EBF2: variants seen among roughly 807,000 people sequenced by gnomAD.
EBF2 encodes the protein transcription factor COE2.
Under a neutral mutation model 72.8 loss-of-function variants are expected in EBF2, and 21 were observed. The ratio of observed to expected loss-of-function variants is 0.29; its 90% CI spans 0.20 to 0.42. EBF2 has a LOEUF of 0.42. EBF2 is among the 10% of genes least tolerant of loss of function. EBF2 has a pLI of 1.00. For missense variants in EBF2, 637 were observed against 731.2 expected, an observed-to-expected ratio of 0.87 and a Z score of 1.49; for synonymous variants, 299 against 274.2, an observed-to-expected ratio of 1.09 and a Z score of -0.89.
rs1585253430 is a variant in EBF2, at chr8:25,845,265, G to C, written c.1697-625C>G. Among the ~76,000 whole-genome samples the C allele has an allele frequency of 2.0e-5, 3 of 152,224 alleles. No homozygotes were observed. The South Asian group carries it at 6.2e-4, about 32-fold the overall frequency. ...CTCTTCTTTGTTGAGGTGGAATCTT[G>C]TTCTGTCACCCAGGCTGGAGTGCAG... On this transcript the variant is annotated intron_variant, in intron 15 of 15. Transcript: ENST00000520164.
intron 6 of EBF2, among the ~76,000 whole-genome samples, chr8:25,971,553 G>A (rs761199811): frequency 2.1e-4 from 32 of 152,120 alleles, no homozygotes; most frequent in Non-Finnish European, 3.8e-4. Flanking sequence ...GGCCCAGAAG[G>A]AGTCGTTTAC....
rs1213090030 is a variant in EBF2 at position 25,976,658 on chromosome 8, C to T, written c.551+56427G>A. 2.7e-5 allele frequency among the ~76,000 whole-genome samples: 4 copies of T among 150,692 alleles called. No individual in the cohort carries two copies. The East Asian group carries it at 5.8e-4, about 22-fold the overall frequency. ...CTTAAAAACAAAACAAAACAAAAAT[C>T]TTCTTTCTCTAGCCTGATTCTCACT... On this transcript the variant is annotated intron_variant, in intron 6 of 15. Coordinates refer to ENST00000520164, the MANE Select transcript of EBF2 (RefSeq NM_022659.4).
chr8:25,886,701 T>G, intron 10 of EBF2, 54 bp downstream of exon 10: 1 of 1,553,908 alleles, frequency 6.4e-7, no homozygotes, highest in Non-Finnish European at 8.7e-7. Flanking sequence ...TACTGGGAAC[T>G]AGCGCAAAGG....
intron 6 of EBF2, among the ~76,000 whole-genome samples, chr8:26,005,551 T>TA (rs71216408): frequency 0.31 from 13,028 of 41,812 alleles, 1,454 homozygotes; most frequent in Non-Finnish European, 0.37. Flanking sequence ...TTTATATATA[T>TA]ATATATATAT....
intron 7 of EBF2, among the ~76,000 whole-genome samples, chr8:25,891,594 T>TC (rs1421462582): frequency 1.3e-5 from 2 of 151,804 alleles, no homozygotes; most frequent in African/African-American, 4.8e-5. Context: ...TTTTTTTTTT[T>TC]TGAGATAGAG....
intron 6 of EBF2, among the ~76,000 whole-genome samples, chr8:25,975,505 G>A (rs1032008779): frequency 2.0e-5 from 3 of 152,134 alleles, no homozygotes; most frequent in South Asian, 4.2e-4. Flanking sequence ...TTTATAAGTT[G>A]AATAATATGC....
intron 15 of EBF2, among the ~76,000 whole-genome samples, chr8:25,849,655 T>TTTTGCTGTTG (rs75444263): frequency 6.6e-5 from 10 of 151,796 alleles, no homozygotes; most frequent in Non-Finnish European, 1.2e-4. Context: ...TTTTGCTGTC[T>TTTTGCTGTTG]GCTGCCCTCC....
intron 6 of EBF2, among the ~76,000 whole-genome samples, chr8:26,024,936 T>A (rs1357430511): frequency 6.6e-6 from 1 of 152,264 alleles, no homozygotes; most frequent in African/African-American, 2.4e-5. Context: ...TAATTGGAAA[T>A]GTAAAGCAAG....
At chr8:25,860,866 C>A (rs1397837443) in intron 13 of EBF2, among the ~76,000 whole-genome samples, 183 bp downstream of exon 13, 4 of 152,122 alleles carry the variant, frequency 2.6e-5, no homozygotes, top group Non-Finnish European at 5.9e-5. Flanking sequence ...TACCTGGTAC[C>A]TAAGAAGCTC....
intron 6 of EBF2, among the ~76,000 whole-genome samples, chr8:26,028,635 T>G (rs1805343446): frequency 6.6e-6 from 1 of 152,186 alleles, no homozygotes; most frequent in Non-Finnish European, 1.5e-5. Flanking sequence ...TCAGAGAACC[T>G]GCCAGATAGA....
At chr8:25,962,686 A>C (rs1804053992) in intron 6 of EBF2, among the ~76,000 whole-genome samples, 1 of 152,254 alleles carries the variant, frequency 6.6e-6, no homozygotes, top group Non-Finnish European at 1.5e-5. Flanking sequence ...GTCAAACCCA[A>C]GCCATAGTTG....
intron 6 of EBF2, among the ~76,000 whole-genome samples, chr8:25,921,913 A>C (rs1040265799): frequency 1.3e-5 from 2 of 152,214 alleles, no homozygotes; most frequent in Admixed American, 6.5e-5. Context: ...GCTTCTGTGC[A>C]CCTGGAATTT....
At chr8:25,886,490 A>C (rs1802691110) in intron 10 of EBF2, among the ~76,000 whole-genome samples, 1 of 152,222 alleles carries the variant, frequency 6.6e-6, no homozygotes, top group Non-Finnish European at 1.5e-5. Context: ...TGGTTACAGC[A>C]TGGTTCCAAC....
chr8:26,044,361 C>T lies in EBF2; in HGVS notation c.131+368G>A, dbSNP rs1308134309. Among the ~76,000 whole-genome samples the T allele has an allele frequency of 6.6e-6, 1 of 152,292 alleles. No homozygotes were observed. The highest frequency in any genetic ancestry group is 2.4e-5 in the African/African-American group (1 of 41,482). ...GAAGCCGGCTTTCCTCCCGCGCCGC[C>T]ACTGCCAGCGCCGGTGTTCACGCTC... On this transcript the variant is annotated intron_variant, in intron 1 of 15. Coordinates refer to ENST00000520164, the MANE Select transcript of EBF2 (RefSeq NM_022659.4). This position sits in a 1 kb window ranked among gnomAD's most constrained non-coding sequence, Gnocchi z 4.1.
chr8:26,017,273 G>C (rs1331322548), intron 6 of EBF2, among the ~76,000 whole-genome samples: 1 of 151,852 alleles, frequency 6.6e-6, no homozygotes, highest in East Asian at 1.9e-4. Context: ...ATACCCAAAA[G>C]ACCCCAGAAG....
Position 25,850,585 on chromosome 8 carries a change from C to G in EBF2, c.1696+9G>C. 1 of 1,540,114 alleles carries G rather than the reference C, an allele frequency of 6.5e-7. No homozygotes were observed. Among genetic ancestry groups the G allele is most frequent in the Non-Finnish European group, 8.7e-7 (1 of 1,153,038 alleles). Reference sequence around the variant, plus strand: ...CATTGTGTATCCCCAAAATAGAACCCTTGCTTACCTCTGAATCCATTTCCA... The same window carrying G: ...CATTGTGTATCCCCAAAATAGAACCGTTGCTTACCTCTGAATCCATTTCCA... On this transcript the variant is annotated intron_variant, in intron 15 of 15. Transcript: ENST00000520164.
chr8:26,043,298 C>A (rs1055044381), intron 1 of EBF2, among the ~76,000 whole-genome samples: 1 of 152,254 alleles, frequency 6.6e-6, no homozygotes, highest in South Asian at 2.1e-4. Context: ...AACCCCGGTG[C>A]GCAAGCACCT....
intron 7 of EBF2, among the ~76,000 whole-genome samples, chr8:25,902,090 T>C (rs899047861): frequency 1.3e-5 from 2 of 152,208 alleles, no homozygotes; most frequent in African/African-American, 4.8e-5. Context: ...AGCCATCCTA[T>C]CTATGACAGT....
At chr8:25,924,972 C>A (rs900781240) in intron 6 of EBF2, among the ~76,000 whole-genome samples, 1 of 152,160 alleles carries the variant, frequency 6.6e-6, no homozygotes, top group African/African-American at 2.4e-5. Context: ...CAGGACTGAG[C>A]CTTTTCCCAG....
Sources: allele counts gnomAD v4.1 joint callset (sites outside exome capture counted in the v4.1 genomes callset), GRCh38; gene constraint gnomAD v4.1.1; non-coding constraint Gnocchi (gnomAD v3.1); transcripts MANE v1.5; gene names NCBI Gene and HGNC (gene_info 2026-07-23, HGNC 2026-07-21).